Variants in RIT2 observed in about 807,000 individuals in gnomAD.
RIT2 encodes GTP-binding protein Rit2.
RIT2 carries 24 observed loss-of-function variants against 23.7 expected under a neutral mutation model. The observed-to-expected ratio is 1.01, with a 90% confidence interval of 0.73 to 1.43. The LOEUF (loss-of-function observed/expected upper bound fraction) is 1.43. Ranked by LOEUF, RIT2 falls within the 40% of genes most tolerant of loss-of-function variation. The pLI, the probability that RIT2 is intolerant of heterozygous loss-of-function variation, is 0.00. For synonymous variants in RIT2, 107 were observed against 91.1 expected (o/e 1.17, Z -0.99); for missense variants, 236 against 266.9 (o/e 0.88, Z 0.81).
At chr18:42,959,638 C>A (rs1568040027) in intron 3 of RIT2, among the ~76,000 whole-genome samples, 2 of 152,136 alleles carry the variant, frequency 1.3e-5, no homozygotes, top group South Asian at 2.1e-4. Flanking sequence ...CTCTGGGGAC[C>A]AGTCATTTGT....
At chr18:42,883,218 A>T (rs2144082321) in intron 4 of RIT2, among the ~76,000 whole-genome samples, 1 of 152,240 alleles carries the variant, frequency 6.6e-6, no homozygotes. Flanking sequence ...GTAAAATTCT[A>T]AATGCTGCAC....
chr18:43,019,806 A>G (rs997540823), intron 2 of RIT2, among the ~76,000 whole-genome samples: 6 of 152,112 alleles, frequency 3.9e-5, no homozygotes, highest in Non-Finnish European at 8.8e-5. Context: ...CCGCTAGAAT[A>G]CACTTAGATC....
intron 4 of RIT2, among the ~76,000 whole-genome samples, chr18:42,765,767 C>T (rs1913406842): frequency 1.3e-5 from 2 of 152,130 alleles, no homozygotes; most frequent in Non-Finnish European, 2.9e-5. Flanking sequence ...GACTGAGACC[C>T]CACCCAAATC....
intron 1 of RIT2, among the ~76,000 whole-genome samples, chr18:43,070,029 A>G (rs1912862173): frequency 6.6e-6 from 1 of 152,184 alleles, no homozygotes; most frequent in African/African-American, 2.4e-5. Flanking sequence ...TAGCCAGAAA[A>G]GAGCCTCACA....
chr18:42,838,576 G>T (rs1906679931), intron 4 of RIT2, among the ~76,000 whole-genome samples: 1 of 152,110 alleles, frequency 6.6e-6, no homozygotes, highest in Non-Finnish European at 1.5e-5. Flanking sequence ...ATTCAAGGAG[G>T]TCAAATGACT....
At chr18:43,103,745 T>C (rs1913743134) in intron 1 of RIT2, among the ~76,000 whole-genome samples, 1 of 152,156 alleles carries the variant, frequency 6.6e-6, no homozygotes, top group Non-Finnish European at 1.5e-5. Context: ...ATGACAGTGA[T>C]GGAAGGACAT....
intron 2 of RIT2, among the ~76,000 whole-genome samples, chr18:43,008,662 T>C (rs376609478): frequency 5.3e-5 from 8 of 151,546 alleles, no homozygotes; most frequent in African/African-American, 1.9e-4. Context: ...GAAATAAACC[T>C]TACACTATTC....
intron 2 of RIT2, among the ~76,000 whole-genome samples, chr18:43,024,161 C>G (rs1348421743): frequency 6.6e-6 from 1 of 151,986 alleles, no homozygotes; most frequent in South Asian, 2.1e-4. Context: ...AACAGAGTGA[C>G]ATAATCAACC....
At chr18:43,024,349 GTC>G (rs1475355557) in intron 2 of RIT2, among the ~76,000 whole-genome samples, 1 of 151,956 alleles carries the variant, frequency 6.6e-6, no homozygotes, top group Admixed American at 6.6e-5. Flanking sequence ...AAACTGGATT[GTC>G]ATATGCAGAA....
chr18:42,885,851 A>C (rs1476947320), intron 4 of RIT2, among the ~76,000 whole-genome samples: 3 of 152,196 alleles, frequency 2.0e-5, no homozygotes, highest in South Asian at 4.1e-4. Context: ...TAAATTTATG[A>C]TATTAATGCT....
intron 4 of RIT2, among the ~76,000 whole-genome samples, chr18:42,917,699 C>A (rs1382782121): frequency 2.0e-5 from 3 of 152,118 alleles, no homozygotes; most frequent in African/African-American, 7.2e-5. Flanking sequence ...TACCAAAGAA[C>A]TTTTTAGCTC....
At chr18:43,000,293 T>C (rs763023127) in intron 2 of RIT2, among the ~76,000 whole-genome samples, 3 of 151,998 alleles carry the variant, frequency 2.0e-5, no homozygotes, top group Non-Finnish European at 4.4e-5. Flanking sequence ...TGCAGAAAAA[T>C]ACATGTTCAT....
chr18:42,807,504 CTA>C (rs1905716571), intron 4 of RIT2, among the ~76,000 whole-genome samples: 1 of 152,086 alleles, frequency 6.6e-6, no homozygotes, highest in African/African-American at 2.4e-5. Flanking sequence ...GTAATCCCAA[CTA>C]CTGAGGAGGC....
At chr18:43,098,402 G>A (rs1254302605) in intron 1 of RIT2, among the ~76,000 whole-genome samples, 2 of 151,780 alleles carry the variant, frequency 1.3e-5, no homozygotes, top group Admixed American at 1.3e-4. Context: ...CTCCTTCTAA[G>A]CCCATTTGCT....
At chr18:42,941,571 A>G (rs538919717) in intron 3 of RIT2, among the ~76,000 whole-genome samples, 2 of 152,166 alleles carry the variant, frequency 1.3e-5, no homozygotes, top group Non-Finnish European at 2.9e-5. Context: ...AATGTTTTCT[A>G]GAGAAAGTGA....
intron 1 of RIT2, among the ~76,000 whole-genome samples, chr18:43,060,719 A>G (rs777327470): frequency 6.6e-6 from 1 of 152,192 alleles, no homozygotes; most frequent in Non-Finnish European, 1.5e-5. Flanking sequence ...AAAATAAATT[A>G]GTAGATGAAC....
intron 4 of RIT2, among the ~76,000 whole-genome samples, chr18:42,817,565 G>A (rs758990192): frequency 1.3e-5 from 2 of 152,072 alleles, no homozygotes; most frequent in African/African-American, 2.4e-5. Flanking sequence ...TATAATGGAA[G>A]TAAAACTGTA....
chr18:42,789,131 T>C (rs996169426), intron 4 of RIT2, among the ~76,000 whole-genome samples: 1 of 152,178 alleles, frequency 6.6e-6, no homozygotes, highest in East Asian at 1.9e-4. Flanking sequence ...GCTAGTAGAA[T>C]TGGGTGCCAC....
intron 3 of RIT2, among the ~76,000 whole-genome samples, chr18:42,951,019 G>A (rs939727719): frequency 1.3e-5 from 2 of 152,016 alleles, no homozygotes; most frequent in African/African-American, 4.8e-5. Context: ...AGATTTCTCA[G>A]AGAACTTAAT....
Sources: allele counts gnomAD v4.1 joint callset (sites outside exome capture counted in the v4.1 genomes callset), GRCh38; gene constraint gnomAD v4.1.1; transcripts MANE v1.5; gene names NCBI Gene and HGNC (gene_info 2026-07-23, HGNC 2026-07-21).